The following IL17RD variants were observed in gnomAD, a reference collection of about 807,000 sequenced individuals.
IL17RD encodes the protein interleukin 17 receptor D.
IL17RD carries 52 observed loss-of-function variants against 80.5 expected under a neutral mutation model. The ratio of observed to expected loss-of-function variants is 0.65; its 90% confidence interval spans 0.52 to 0.81. The LOEUF (loss-of-function observed/expected upper bound fraction) is 0.81. IL17RD is among the 40% of genes least tolerant of loss of function. The probability of loss-of-function intolerance (pLI) is 0.00; values close to 1 mark genes in which losing one functional copy is unlikely to be tolerated. For missense variants in IL17RD, 1,024 were observed against 955.1 expected (o/e 1.07, Z -0.95); for synonymous variants, 416 against 391.8 (o/e 1.06, Z -0.73).
chr3:57,137,801 G>A (rs1041230948), intron 1 of IL17RD, among the ~76,000 whole-genome samples: 6 of 152,132 alleles, frequency 3.9e-5, no homozygotes, highest in Admixed American at 1.3e-4. Context: ...ATCTTCCCCT[G>A]TTGCTCTTAC....
At chr3:57,153,222 G>A (rs1461097520) in intron 1 of IL17RD, among the ~76,000 whole-genome samples, 2 of 152,156 alleles carry the variant, frequency 1.3e-5, no homozygotes. Flanking sequence ...AGACTAAACT[G>A]GGTACTACTA....
In IL17RD at chr3:57,105,968, C is replaced by T. The variant is rs745650049; in HGVS notation, c.636G>A (p.Ser212=). The change falls in exon 7 of 13, where the codon TCG becomes TCA. Residue 212 remains serine (S), a synonymous_variant. Transcript: ENST00000296318. ...PRNLNISQHG[S]DMQVSFDHAP... ...CATGGTCGAAGGACACCTGCATGTC[C>T]GAGCCATGCTGGCTGATGTTCAGGT... 29 of 1,613,694 alleles carry T rather than the reference C, an allele frequency of 1.8e-5. No individual in the cohort carries two copies. The highest frequency in any genetic ancestry group is 7.7e-5 in the South Asian group (7 of 91,072).
chr3:57,113,468 C>T lies in IL17RD; in HGVS notation c.310+1224G>A, dbSNP rs559113840. On this transcript the variant is annotated intron_variant, in intron 3 of 12. Coordinates refer to ENST00000296318, the MANE Select transcript of IL17RD (RefSeq NM_017563.5). ...GTCAGGCTAGTCTCAAACTCCTGAC[C>T]TCAGGTGATCCACCTGCCTCGGCCT... 2.0e-3 allele frequency among the ~76,000 whole-genome samples: 306 copies of T among 152,220 alleles called. 1 individual carries two copies. The highest frequency in any genetic ancestry group is 2.7e-3 in the Non-Finnish European group (181 of 68,014).
Position 57,156,789 on chromosome 3 carries a change from T to C in IL17RD, c.126+8372A>G, listed in dbSNP as rs372057428. Among the ~76,000 whole-genome samples, 11 of 151,082 alleles carry C rather than the reference T, an allele frequency of 7.3e-5. No individual in the cohort carries two copies. In the South Asian group the frequency reaches 1.7e-3, roughly 23 times the overall value. On this transcript the variant is annotated intron_variant, in intron 1 of 12. Transcript: ENST00000296318. Reference sequence around the variant, plus strand: ...TTCAACCTTACCATCCCCCGACCAATGAGCCCCCTTCTCCAGCTTTGCCCA... The same window carrying C: ...TTCAACCTTACCATCCCCCGACCAACGAGCCCCCTTCTCCAGCTTTGCCCA...
Position 57,146,045 on chromosome 3 carries a change from G to GCGCGCA in IL17RD, c.126+19115_126+19116insTGCGCG, listed in dbSNP as rs766646872. On this transcript the variant is annotated intron_variant, in intron 1 of 12. Transcript: ENST00000296318. The stretch of plus-strand genomic sequence containing the variant: ...CACACACACTCACGCGCGCGCGCGC[G>GCGCGCA]CACACACACACACACTGATGCATGC... 4.5e-3 allele frequency among the ~76,000 whole-genome samples: 677 copies of GCGCGCA among 151,224 alleles called. 2 individuals are homozygous for GCGCGCA. Among genetic ancestry groups the GCGCGCA allele is most frequent in the East Asian group, 6.9e-3 (35 of 5,086 alleles).
At position 57,091,543 on chromosome 3, in the gene IL17RD, A is replaced by T. The variant is rs1706555205; in HGVS notation, c.*4850T>A. The T allele has an allele frequency of 6.6e-6, 1 of 152,636 alleles. No individual in the cohort carries two copies. The highest frequency in any genetic ancestry group is 1.5e-5 in the Non-Finnish European group (1 of 68,040). The allele number at this position is 152,636 out of a possible 1,614,324, so 9.5% of individuals were successfully genotyped here. On this transcript the variant is annotated 3_prime_UTR_variant, in exon 13 of 13. Transcript: ENST00000296318. ...GGCAACTAAACTAAGTGTGAAGCTG[A>T]GAAACATTACAGCAGTGAAAATTAT...
chr3:57,155,179 G>A (rs544717510), intron 1 of IL17RD, among the ~76,000 whole-genome samples: 1 of 152,226 alleles, frequency 6.6e-6, no homozygotes, highest in Non-Finnish European at 1.5e-5. Flanking sequence ...ACAAAAACGA[G>A]ACCTGCACCT....
chr3:57,142,898 T>C (rs1707857401), intron 1 of IL17RD, among the ~76,000 whole-genome samples: 1 of 152,196 alleles, frequency 6.6e-6, no homozygotes, highest in South Asian at 2.1e-4. Flanking sequence ...AATGATTTCA[T>C]TCCCAGAGTC....
intron 1 of IL17RD, among the ~76,000 whole-genome samples, chr3:57,136,787 T>C (rs919220530): frequency 2.0e-5 from 3 of 152,168 alleles, no homozygotes; most frequent in Non-Finnish European, 2.9e-5. Context: ...GCTTGAAATA[T>C]GCTTTTGCAC....
At chr3:57,114,557 G>GT (rs1707168752) in intron 3 of IL17RD, 135 bp downstream of exon 3, 2 of 717,920 alleles carry the variant, frequency 2.8e-6, no homozygotes, top group South Asian at 5.3e-5. Context: ...GCAACAAAGT[G>GT]TATCTGTGCC....
intron 1 of IL17RD, among the ~76,000 whole-genome samples, chr3:57,163,789 G>GC (rs1296078352): frequency 1.9e-5 from 2 of 105,698 alleles, no homozygotes; most frequent in African/African-American, 9.2e-5. Flanking sequence ...ATGGGGCGGG[G>GC]GGGCGGGGGG....
intron 1 of IL17RD, among the ~76,000 whole-genome samples, chr3:57,137,383 G>A (rs1707750554): frequency 6.6e-6 from 1 of 152,212 alleles, no homozygotes; most frequent in Admixed American, 6.5e-5. Flanking sequence ...GTGAGCACAA[G>A]CCTAGATTTG....
At chr3:57,167,300 G>A (rs1473132550), upstream of IL17RD, among the ~76,000 whole-genome samples, 3 of 152,056 alleles carry the variant, frequency 2.0e-5, no homozygotes, top group Non-Finnish European at 2.9e-5. Flanking sequence ...AGGATCCACA[G>A]AAGGCTGTTC....
At position 57,133,401 on chromosome 3, in the gene IL17RD, G is replaced by GCA. The variant is rs369835311; in HGVS notation, c.127-13090_127-13089dup. Among the ~76,000 whole-genome samples the GCA allele has an allele frequency of 6.4e-3, 972 of 151,802 alleles. 10 individuals carry two copies. Among genetic ancestry groups the GCA allele is most frequent in the African/African-American group, 0.021 (887 of 41,426 alleles). ...GATACCACATGGAATTTCCATTAAA[G>GCA]CACACACACACACATGCAAACACAC... On this transcript the variant is annotated intron_variant, in intron 1 of 12. Transcript: ENST00000296318.
At chr3:57,105,783 G>A in intron 7 of IL17RD, 74 bp downstream of exon 7, 1 of 1,345,346 alleles carries the variant, frequency 7.4e-7, no homozygotes, top group Non-Finnish European at 1.0e-6. Context: ...CTCACATTGA[G>A]CAACCCAAAT....
At chr3:57,168,637 T>G (rs1040218265), upstream of IL17RD, among the ~76,000 whole-genome samples, 6 of 145,314 alleles carry the variant, frequency 4.1e-5, no homozygotes, top group Non-Finnish European at 7.5e-5. Flanking sequence ...TTTGGCAACA[T>G]TCTCTGTATT....
At position 57,100,768 on chromosome 3, in the gene IL17RD, G is replaced by A. The variant is rs574202856; in HGVS notation, c.1164+411C>T. Among the ~76,000 whole-genome samples the A allele has an allele frequency of 1.8e-4, 28 of 152,254 alleles. No homozygotes were observed. In the South Asian group the frequency reaches 5.4e-3, roughly 29 times the overall value. ...GCAGAACTCCTCCAAACAATTGTGC[G>A]AACTCACTGCTTTACTTGCCACTCT... On this transcript the variant is annotated intron_variant, in intron 11 of 12. Coordinates refer to ENST00000296318, the MANE Select transcript of IL17RD (RefSeq NM_017563.5).
chr3:57,100,360 T>C (rs985003143), intron 11 of IL17RD, among the ~76,000 whole-genome samples: 1 of 152,238 alleles, frequency 6.6e-6, no homozygotes, highest in East Asian at 1.9e-4. Flanking sequence ...CAAAAACAAC[T>C]TCCAATCACA....
intron 11 of IL17RD, among the ~76,000 whole-genome samples, 200 bp downstream of exon 11, chr3:57,100,979 G>A (rs996755908): frequency 1.3e-5 from 2 of 152,204 alleles, no homozygotes; most frequent in African/African-American, 2.4e-5. Flanking sequence ...TTAGAACTAA[G>A]TATTATGAAA....
Sources: allele counts gnomAD v4.1 joint callset (sites outside exome capture counted in the v4.1 genomes callset), GRCh38; gene constraint gnomAD v4.1.1; transcripts MANE v1.5; gene names NCBI Gene and HGNC (gene_info 2026-07-23, HGNC 2026-07-21).